The following KCNB2 variants were observed in gnomAD, a reference collection of about 807,000 sequenced individuals.
The protein encoded by KCNB2 is delayed rectifier potassium channel protein.
A neutral mutation model predicts 61.5 loss-of-function variants in KCNB2; 15 were observed. The ratio of observed to expected loss-of-function variants is 0.24; its 90% CI spans 0.16 to 0.38. The LOEUF is 0.38. KCNB2 is among the 10% of genes least tolerant of loss of function. The pLI, the probability that KCNB2 is intolerant of heterozygous loss-of-function variation, is 1.00. For missense variants in KCNB2, 828 were observed against 1,125.2 expected (o/e 0.74, Z 3.78); for synonymous variants, 457 against 446.0 (o/e 1.02, Z -0.31).
intron 2 of KCNB2, among the ~76,000 whole-genome samples, chr8:72,797,980 T>C (rs1462084125): frequency 6.6e-6 from 1 of 152,114 alleles, no homozygotes; most frequent in Non-Finnish European, 1.5e-5. Flanking sequence ...CTTTACAACA[T>C]TGTTTTCCTA....
At chr8:72,679,132 A>T (rs1299410289) in intron 2 of KCNB2, among the ~76,000 whole-genome samples, 1 of 152,086 alleles carries the variant, frequency 6.6e-6, no homozygotes, top group East Asian at 1.9e-4. Context: ...ATCTTATTTC[A>T]TGGCAGGTTT....
At chr8:72,596,194 A>G (rs1247966722) in intron 2 of KCNB2, among the ~76,000 whole-genome samples, 3 of 152,212 alleles carry the variant, frequency 2.0e-5, no homozygotes, top group Non-Finnish European at 2.9e-5. Context: ...AAATGTCACC[A>G]AGCTTAAATG....
chr8:72,642,556 G>A (rs895047609), intron 2 of KCNB2, among the ~76,000 whole-genome samples: 2 of 152,056 alleles, frequency 1.3e-5, no homozygotes, highest in Admixed American at 6.6e-5. Flanking sequence ...TGTGGGGTTT[G>A]AGCTCACCTG....
chr8:72,587,764 G>A (rs1807023241), intron 2 of KCNB2, among the ~76,000 whole-genome samples: 3 of 151,918 alleles, frequency 2.0e-5, no homozygotes. Context: ...AAAAGGAAAT[G>A]TAAACTCCAT....
chr8:72,861,796 TG>T (rs1235324294), intron 2 of KCNB2, among the ~76,000 whole-genome samples: 1 of 152,242 alleles, frequency 6.6e-6, no homozygotes, highest in Non-Finnish European at 1.5e-5. Context: ...CTGTTAATTA[TG>T]GTGGCCTCCT....
intron 2 of KCNB2, among the ~76,000 whole-genome samples, chr8:72,829,213 A>G (rs1585916968): frequency 6.6e-6 from 1 of 152,232 alleles, no homozygotes; most frequent in Non-Finnish European, 1.5e-5. Flanking sequence ...GGCCTGAATT[A>G]TGATTCCTGA....
intron 2 of KCNB2, among the ~76,000 whole-genome samples, chr8:72,600,238 A>G (rs9692756): frequency 0.37 from 56,233 of 151,774 alleles, 12,981 homozygotes; most frequent in Non-Finnish European, 0.51. Flanking sequence ...TGTGGCACAT[A>G]TACACCATGG....
rs1000829030 is a variant in KCNB2, at chr8:72,936,825, C to T, written c.1470C>T (p.Ser490=). The T allele has an allele frequency of 5.6e-6, 9 of 1,613,972 alleles. No homozygotes were observed. Among genetic ancestry groups the T allele is most frequent in the Non-Finnish European group, 5.9e-6 (7 of 1,180,030 alleles). ...DSADDNHLSP[S]RWKWARKALS... ...CCGACGATAATCACCTGTCGCCAAG[C>T]CGGTGGAAGTGGGCCAGGAAGGCTC... Residue 490 remains serine, a synonymous_variant, in exon 3 of 3, where the codon AGC becomes AGT. Coordinates refer to ENST00000523207, the MANE Select transcript of KCNB2 (RefSeq NM_004770.3). This position sits in a 1 kb window ranked among gnomAD's most constrained non-coding sequence, Gnocchi z 5.6.
At chr8:72,816,559 T>A (rs1470260147) in intron 2 of KCNB2, among the ~76,000 whole-genome samples, 1 of 152,220 alleles carries the variant, frequency 6.6e-6, no homozygotes, top group Non-Finnish European at 1.5e-5. Flanking sequence ...AATGGTAATA[T>A]GTCTCTGAAA....
Position 72,771,887 on chromosome 8 carries a change from G to A in KCNB2, c.580-164048G>A, listed in dbSNP as rs140994414. 8.0e-4 allele frequency among the ~76,000 whole-genome samples: 122 copies of A among 152,242 alleles called. 1 individual carries two copies. The East Asian group carries it at 0.02, about 25-fold the overall frequency. ...AGGGTCTTCAGGAAGGCCTAGGAGC[G>A]GGAAATGAAGGAGATATCCTCAGCA... On this transcript the variant is annotated intron_variant, in intron 2 of 2. Transcript: ENST00000523207.
chr8:72,862,221 A>T (rs1805431053), intron 2 of KCNB2, among the ~76,000 whole-genome samples: 1 of 152,218 alleles, frequency 6.6e-6, no homozygotes. Flanking sequence ...TGAAACTCAA[A>T]GAAACTTGTA....
rs142665948 is a variant in KCNB2, at chr8:72,894,766, T to C, written c.580-41169T>C. On this transcript the variant is annotated intron_variant, in intron 2 of 2. Coordinates refer to ENST00000523207, the MANE Select transcript of KCNB2 (RefSeq NM_004770.3). ...TTCTCCATCACCTTCCATAAGTTCATAAAATCCTGCCTCTTTTCGGGAATT... is the reference window on the plus strand; with the variant it reads ...TTCTCCATCACCTTCCATAAGTTCACAAAATCCTGCCTCTTTTCGGGAATT... 4.4e-3 allele frequency among the ~76,000 whole-genome samples: 664 copies of C among 152,312 alleles called. 5 individuals are homozygous for C. Among genetic ancestry groups the C allele is most frequent in the Non-Finnish European group, 7.9e-3 (539 of 68,024 alleles).
chr8:72,620,939 GA>G (rs1292455903), intron 2 of KCNB2, among the ~76,000 whole-genome samples: 2 of 152,124 alleles, frequency 1.3e-5, no homozygotes, highest in Non-Finnish European at 2.9e-5. Flanking sequence ...TAATTCATTG[GA>G]TTACGTTTTA....
chr8:72,828,642 T>C (rs1044009636), intron 2 of KCNB2, among the ~76,000 whole-genome samples: 1 of 152,202 alleles, frequency 6.6e-6, no homozygotes, highest in East Asian at 1.9e-4. Context: ...AAAGATTTAT[T>C]ATGCTAAAAA....
At chr8:72,721,826 C>A (rs1463400060) in intron 2 of KCNB2, among the ~76,000 whole-genome samples, 1 of 152,170 alleles carries the variant, frequency 6.6e-6, no homozygotes, top group Non-Finnish European at 1.5e-5. Context: ...CATAACTGGG[C>A]AATAGAAACT....
At chr8:72,721,888 G>A (rs1243575670) in intron 2 of KCNB2, among the ~76,000 whole-genome samples, 3 of 152,144 alleles carry the variant, frequency 2.0e-5, no homozygotes, top group African/African-American at 7.2e-5. Context: ...TAAATATACA[G>A]CCGCCAACTG....
intron 2 of KCNB2, among the ~76,000 whole-genome samples, chr8:72,674,872 G>A (rs1806625653): frequency 6.6e-6 from 1 of 151,986 alleles, no homozygotes; most frequent in Non-Finnish European, 1.5e-5. Flanking sequence ...GCAGAGTGTT[G>A]GATATAGTGA....
In KCNB2 at chr8:72,561,769, A is replaced by ATGTG. The variant is rs1563523586; in HGVS notation, c.-93-5872_-93-5871insGTGT. Among the ~76,000 whole-genome samples, 66 of 28,544 alleles carry ATGTG rather than the reference A, an allele frequency of 2.3e-3. 5 individuals are homozygous for ATGTG. The highest frequency in any genetic ancestry group is 3.4e-3 in the Non-Finnish European group (59 of 17,266). 18.7% of individuals were successfully genotyped at this position (28,544 alleles called of 152,430 possible). ...TATGTATATATATATATGGATATAT[A>ATGTG]TATATATGGATATATATATACATAT... On this transcript the variant is annotated intron_variant, in intron 1 of 2. Transcript: ENST00000523207.
intron 1 of KCNB2, among the ~76,000 whole-genome samples, chr8:72,558,388 C>T (rs1446978323): frequency 6.6e-6 from 1 of 152,070 alleles, no homozygotes; most frequent in Non-Finnish European, 1.5e-5. Context: ...ATGAGAAAAG[C>T]ACTATAATAG....
Sources: allele counts gnomAD v4.1 joint callset (sites outside exome capture counted in the v4.1 genomes callset), GRCh38; gene constraint gnomAD v4.1.1; non-coding constraint Gnocchi (gnomAD v3.1); transcripts MANE v1.5; gene names NCBI Gene and HGNC (gene_info 2026-07-23, HGNC 2026-07-21).